IL1RAPL2: variants seen among roughly 807,000 people sequenced by gnomAD.
IL1RAPL2 encodes X-linked interleukin-1 receptor accessory protein-like 2.
Under a neutral mutation model 44.1 loss-of-function variants are expected in IL1RAPL2, and 3 were observed. That is an observed-to-expected ratio of 0.07 (90% confidence interval 0.03 to 0.18). IL1RAPL2 has a LOEUF of 0.18. Ranked by LOEUF, IL1RAPL2 falls within the 10% of genes least tolerant of loss-of-function variation. The pLI, the probability that IL1RAPL2 is intolerant of heterozygous loss-of-function variation, is 1.00. For missense variants in IL1RAPL2, 391 were observed against 496.4 expected (o/e 0.79, Z 2.02); for synonymous variants, 181 against 178.8 (o/e 1.01, Z -0.10).
chrX:105,501,270 T>G (rs1414812759), intron 6 of IL1RAPL2, among the ~76,000 whole-genome samples: 2 of 111,833 alleles, frequency 1.8e-5, no homozygotes, highest in Non-Finnish European at 3.8e-5. Flanking sequence ...TCATTATATT[T>G]TACAAATCCA....
intron 2 of IL1RAPL2, among the ~76,000 whole-genome samples, chrX:104,903,230 A>T (rs1923868908): frequency 8.9e-6 from 1 of 112,416 alleles, no homozygotes; most frequent in South Asian, 3.7e-4. Context: ...TGTGAAAAAA[A>T]TACATTTTCA....
chrX:105,607,160 ATTAT>A (rs1186799450), intron 6 of IL1RAPL2, among the ~76,000 whole-genome samples: 1 of 111,075 alleles, frequency 9.0e-6, no homozygotes, highest in African/African-American at 3.3e-5. Flanking sequence ...TAAATGTACA[ATTAT>A]TTGTCAATTT....
chrX:104,984,770 T>TG (rs1300371723), intron 2 of IL1RAPL2, among the ~76,000 whole-genome samples: 2 of 112,181 alleles, frequency 1.8e-5, no homozygotes, highest in Admixed American at 9.4e-5. Flanking sequence ...TTTTTATTGT[T>TG]TTGTTATTGG....
At chrX:104,768,516 A>G (rs960927336) in intron 2 of IL1RAPL2, among the ~76,000 whole-genome samples, 1 of 111,548 alleles carries the variant, frequency 9.0e-6, no homozygotes, top group South Asian at 3.8e-4. Flanking sequence ...CACTGTTTAT[A>G]TCCCTGGACA....
intron 2 of IL1RAPL2, among the ~76,000 whole-genome samples, chrX:104,962,134 C>T (rs2030020574): frequency 8.9e-6 from 1 of 112,045 alleles, no homozygotes; most frequent in South Asian, 3.7e-4. Flanking sequence ...TTCTATGTTT[C>T]TACACACCTT....
intron 2 of IL1RAPL2, among the ~76,000 whole-genome samples, chrX:104,981,067 G>C (rs909375887): frequency 8.3e-5 from 9 of 108,077 alleles, no homozygotes; most frequent in Non-Finnish European, 1.3e-4. Flanking sequence ...GTGTGTGTGT[G>C]TGTGTGTGTG....
intron 7 of IL1RAPL2, among the ~76,000 whole-genome samples, chrX:105,723,889 C>G (rs2038328513): frequency 8.9e-6 from 1 of 111,858 alleles, no homozygotes; most frequent in Non-Finnish European, 1.9e-5. Context: ...TAGGTGACAG[C>G]ATATGATTTT....
At chrX:104,811,289 A>G (rs1932976241) in intron 2 of IL1RAPL2, among the ~76,000 whole-genome samples, 1 of 111,932 alleles carries the variant, frequency 8.9e-6, no homozygotes, top group Admixed American at 9.5e-5. Flanking sequence ...AGAGTTCAAG[A>G]ATAAAGACAG....
At chrX:105,167,006 C>T (rs908862183) in intron 2 of IL1RAPL2, among the ~76,000 whole-genome samples, 26 of 112,134 alleles carry the variant, frequency 2.3e-4, no homozygotes, top group Admixed American at 2.2e-3. Flanking sequence ...TAAATTATTA[C>T]ATTACTTTCA....
At chrX:104,726,677 CTGTT>C (rs1234995363) in intron 2 of IL1RAPL2, among the ~76,000 whole-genome samples, 4 of 111,195 alleles carry the variant, frequency 3.6e-5, no homozygotes, top group African/African-American at 9.8e-5. Context: ...ATTTGGCTCT[CTGTT>C]TGTCTATTAT....
intron 2 of IL1RAPL2, among the ~76,000 whole-genome samples, chrX:105,154,491 A>G (rs1489119644): frequency 9.0e-6 from 1 of 111,061 alleles, no homozygotes; most frequent in Admixed American, 9.6e-5. Context: ...GGTGCCAAAC[A>G]CCTATTTCCT....
chrX:104,796,842 C>T (rs1391748376), intron 2 of IL1RAPL2, among the ~76,000 whole-genome samples: 1 of 111,511 alleles, frequency 9.0e-6, no homozygotes, highest in Non-Finnish European at 1.9e-5. Context: ...ATGATCTCAG[C>T]TCACTGCAAC....
intron 1 of IL1RAPL2, among the ~76,000 whole-genome samples, chrX:104,595,318 A>G (rs1367515557): frequency 1.3e-4 from 14 of 111,519 alleles, no homozygotes; most frequent in Admixed American, 1.2e-3. Context: ...TGGAGGTGCT[A>G]TGAACTGAGA....
At chrX:105,123,871 C>T (rs1171846645) in intron 2 of IL1RAPL2, among the ~76,000 whole-genome samples, 2 of 110,842 alleles carry the variant, frequency 1.8e-5, no homozygotes, top group Non-Finnish European at 3.8e-5. Flanking sequence ...CAAAGACCCT[C>T]CATGACTCTT....
chrX:105,750,982 A>C (rs1191839760), intron 9 of IL1RAPL2, among the ~76,000 whole-genome samples: 14 of 111,661 alleles, frequency 1.3e-4, no homozygotes, highest in African/African-American at 4.6e-4. Context: ...GTAAAAGAAC[A>C]TAAAAGGGGC....
At chrX:105,268,365 A>T (rs1415680888) in intron 5 of IL1RAPL2, among the ~76,000 whole-genome samples, 1 of 111,773 alleles carries the variant, frequency 8.9e-6, no homozygotes, top group African/African-American at 3.2e-5. Flanking sequence ...GATACGGGAC[A>T]GAGAGTGGGG....
intron 5 of IL1RAPL2, among the ~76,000 whole-genome samples, chrX:105,466,518 A>G (rs2036131390): frequency 9.0e-6 from 1 of 111,649 alleles, no homozygotes; most frequent in South Asian, 3.7e-4. Context: ...CAAGAATGAT[A>G]GCTTTCATTT....
chrX:105,557,027 T>A (rs2036901172), intron 6 of IL1RAPL2, among the ~76,000 whole-genome samples: 1 of 112,254 alleles, frequency 8.9e-6, no homozygotes, highest in Admixed American at 9.4e-5. Context: ...GGGCTATAAA[T>A]TTCCTTTTGA....
Position 104,885,800 on chromosome X carries a change from T to C in IL1RAPL2, c.82+226805T>C, listed in dbSNP as rs769677962. ...TATCAATGTGGTTTATAAGGACACT[T>C]TAAAAAAGATTGTCCAATGAGAAAC... On this transcript the variant is annotated intron_variant, in intron 2 of 10. Transcript: ENST00000372582. Among the ~76,000 whole-genome samples, 3 of 112,406 alleles carry C rather than the reference T, an allele frequency of 2.7e-5. No homozygotes were observed. In the East Asian group the frequency reaches 8.4e-4, roughly 32 times the overall value.
Sources: gnomAD v4.1 joint callset for allele counts (sites outside exome capture counted in the v4.1 genomes callset) on GRCh38, gnomAD v4.1.1 for gene constraint, MANE v1.5 for transcripts, NCBI Gene and HGNC (gene_info 2026-07-23, HGNC 2026-07-21) for gene names.